RGS9: variants seen among roughly 807,000 people sequenced by gnomAD.
RGS9 encodes the protein regulator of G-protein signalling 9.
In RGS9, 78 loss-of-function variants were observed where a neutral mutation model predicts 102.0. The observed-to-expected ratio is 0.76, with a 90% CI of 0.64 to 0.92. The LOEUF (loss-of-function observed/expected upper bound fraction) is 0.92, where lower values mean the gene tolerates loss of function less well. Ranked by LOEUF, RGS9 falls within the 40% of genes least tolerant of loss-of-function variation. The probability of loss-of-function intolerance (pLI) is 0.00; values close to 1 mark genes in which losing one functional copy is unlikely to be tolerated. For missense variants in RGS9, 833 were observed against 866.1 expected (o/e 0.96, Z 0.48); for synonymous variants, 353 against 318.6 (o/e 1.11, Z -1.15).
intron 18 of RGS9, among the ~76,000 whole-genome samples, chr17:65,226,033 A>G (rs1905656858): frequency 6.6e-6 from 1 of 152,178 alleles, no homozygotes. Context: ...TGTGAAAATG[A>G]AAGTGCGTAG....
At chr17:65,180,808 A>C (rs1911855702) in intron 9 of RGS9, among the ~76,000 whole-genome samples, 1 of 151,892 alleles carries the variant, frequency 6.6e-6, no homozygotes, top group South Asian at 2.1e-4. Flanking sequence ...CCCACCCTCC[A>C]CCCTCAAGTA....
intron 17 of RGS9, among the ~76,000 whole-genome samples, chr17:65,222,858 G>A (rs1598011761): frequency 6.6e-6 from 1 of 152,160 alleles, no homozygotes; most frequent in South Asian, 2.1e-4. Flanking sequence ...GCTGTGGTGG[G>A]GCCAGGTTCT....
At chr17:65,175,008 C>T (rs1911571391) in intron 8 of RGS9, among the ~76,000 whole-genome samples, 1 of 152,096 alleles carries the variant, frequency 6.6e-6, no homozygotes. Context: ...CAGGTCTCTC[C>T]CTCAATCCCT....
chr17:65,160,918 G>T lies in RGS9; in HGVS notation c.423+9G>T, dbSNP rs758386160. 2 of 1,606,314 alleles carry T rather than the reference G, an allele frequency of 1.2e-6. No homozygotes were observed. Among genetic ancestry groups the T allele is most frequent in the African/African-American group, 2.7e-5 (2 of 74,784 alleles). On this transcript the variant is annotated intron_variant, in intron 6 of 18. Transcript: ENST00000262406. Reference sequence around the variant, plus strand: ...TGGAAGAATATGAAAAGGTATGGAGGTGCTTTTAAGTAGAGGTTGTTATAA... The same window carrying T: ...TGGAAGAATATGAAAAGGTATGGAGTTGCTTTTAAGTAGAGGTTGTTATAA...
At chr17:65,196,778 AG>A (rs1912604186) in intron 12 of RGS9, among the ~76,000 whole-genome samples, 1 of 152,232 alleles carries the variant, frequency 6.6e-6, no homozygotes, top group Admixed American at 6.5e-5. Context: ...TCCAGGTGGC[AG>A]CCTGACCCTC....
intron 8 of RGS9, among the ~76,000 whole-genome samples, chr17:65,177,152 G>GTCCATCCA (rs369454296): frequency 4.1e-5 from 5 of 121,482 alleles, no homozygotes; most frequent in South Asian, 2.9e-4. Context: ...TTATCTGTCC[G>GTCCATCCA]TCCATCCATC....
intron 9 of RGS9, among the ~76,000 whole-genome samples, chr17:65,181,013 A>G (rs111516516): frequency 0.028 from 4,262 of 152,294 alleles, 206 homozygotes; most frequent in African/African-American, 0.097. Flanking sequence ...ATTCCATGGT[A>G]TATATGTACC....
chr17:65,150,425 C>G (rs1392383250), intron 1 of RGS9, among the ~76,000 whole-genome samples: 1 of 152,080 alleles, frequency 6.6e-6, no homozygotes. Context: ...AGTTCGAGAC[C>G]AGCCTGGCCA....
At chr17:65,185,718 A>G (rs753759696) in intron 9 of RGS9, among the ~76,000 whole-genome samples, 1 of 152,240 alleles carries the variant, frequency 6.6e-6, no homozygotes, top group Non-Finnish European at 1.5e-5. Context: ...AAACTACAGC[A>G]CAGAGGCAGA....
intron 10 of RGS9, among the ~76,000 whole-genome samples, chr17:65,189,736 G>A (rs756812474): frequency 1.3e-5 from 2 of 152,198 alleles, no homozygotes; most frequent in Non-Finnish European, 2.9e-5. Flanking sequence ...ATTGAGCTGG[G>A]GTGTACGGTT....
chr17:65,160,209 C>G, intron 3 of RGS9, 24 bp from the exon 4 acceptor site: 1 of 1,562,460 alleles, frequency 6.4e-7, no homozygotes, highest in Non-Finnish European at 8.8e-7. Flanking sequence ...CTCTTAACAT[C>G]CATGTCTGAA....
At chr17:65,204,660 T>G (rs1912980564) in intron 15 of RGS9, among the ~76,000 whole-genome samples, 1 of 152,196 alleles carries the variant, frequency 6.6e-6, no homozygotes, top group South Asian at 2.1e-4. Flanking sequence ...CTAGAGGAAC[T>G]CCTGTAGAAG....
rs1038165260 is a variant in RGS9 at position 65,145,597 on chromosome 17, G to T, written c.58-7825G>T. On this transcript the variant is annotated intron_variant, in intron 1 of 18. Transcript: ENST00000262406. ...TTTTAATAGAGATGAGGTTTGCCAT[G>T]TTGGCCAGGCTGGTCTCGAACTCCT... is the stretch of plus-strand genomic sequence containing the variant. Among the ~76,000 whole-genome samples the T allele has an allele frequency of 4.1e-5, 6 of 146,368 alleles. No homozygotes were observed. The East Asian group carries it at 8.1e-4, about 20-fold the overall frequency.
At chr17:65,170,758 G>A (rs143467392) in intron 8 of RGS9, among the ~76,000 whole-genome samples, 2 of 152,230 alleles carry the variant, frequency 1.3e-5, no homozygotes, top group East Asian at 3.9e-4. Flanking sequence ...AGAACTTCCA[G>A]GACTAAAAAC....
At chr17:65,171,593 G>A (rs925955317) in intron 8 of RGS9, among the ~76,000 whole-genome samples, 19 of 152,206 alleles carry the variant, frequency 1.2e-4, no homozygotes, top group African/African-American at 4.6e-4. Flanking sequence ...ACAGCGAGAG[G>A]GTGATTGATT....
intron 9 of RGS9, among the ~76,000 whole-genome samples, chr17:65,187,469 G>T (rs974460973): frequency 2.6e-5 from 4 of 152,180 alleles, no homozygotes; most frequent in Non-Finnish European, 5.9e-5. Flanking sequence ...AGCAATGATA[G>T]AAGAGCAATC....
At position 65,163,063 on chromosome 17, in the gene RGS9, C is replaced by T. The variant is rs748026643; in HGVS notation, c.474C>T (p.Val158=). 16 of 1,604,868 alleles carry T rather than the reference C, an allele frequency of 1.0e-5. No individual in the cohort carries two copies. Among genetic ancestry groups the T allele is most frequent in the Admixed American group, 5.0e-5 (3 of 59,788 alleles). The part of the protein sequence containing the change: ...NQKMNYKWDF[V]IMQAKEQYRA... The stretch of plus-strand genomic sequence containing the variant: ...AAATGAACTATAAGTGGGACTTTGT[C>T]ATTATGCAGGCCAAAGAGCAGTACA... Residue 158 remains valine, a synonymous_variant, in exon 7 of 19, where the codon GTC becomes GTT. Coordinates refer to ENST00000262406, the MANE Select transcript of RGS9 (RefSeq NM_003835.4).
intron 6 of RGS9, among the ~76,000 whole-genome samples, chr17:65,161,292 C>T (rs1910971781): frequency 6.6e-6 from 1 of 152,172 alleles, no homozygotes; most frequent in Non-Finnish European, 1.5e-5. Flanking sequence ...TGCTCTGTTG[C>T]CTGGGCTGAA....
intron 17 of RGS9, among the ~76,000 whole-genome samples, chr17:65,217,588 A>G (rs549077139): frequency 6.6e-6 from 1 of 152,332 alleles, no homozygotes; most frequent in South Asian, 2.1e-4. Flanking sequence ...GTGTGTGTAG[A>G]TTACCATTTC....
Sources: allele counts gnomAD v4.1 joint callset (sites outside exome capture counted in the v4.1 genomes callset), GRCh38; gene constraint gnomAD v4.1.1; transcripts MANE v1.5; gene names NCBI Gene and HGNC (gene_info 2026-07-23, HGNC 2026-07-21).